DOCK1: variants seen among roughly 807,000 people sequenced by gnomAD.
DOCK1 encodes the protein dedicator of cytokinesis protein 1.
DOCK1 carries 138 observed loss-of-function variants against 262.7 expected under a neutral mutation model. The ratio of observed to expected loss-of-function variants is 0.53; its 90% confidence interval spans 0.46 to 0.61. DOCK1 has a LOEUF of 0.61. Ranked by LOEUF, DOCK1 falls within the 20% of genes least tolerant of loss-of-function variation. The pLI is 0.00. For synonymous variants in DOCK1, 866 were observed against 867.4 expected (o/e 1.00, Z 0.03); for missense variants, 1,908 against 2,370.7 (o/e 0.80, Z 4.05).
At chr10:127,259,147 G>A (rs745473141) in intron 29 of DOCK1, among the ~76,000 whole-genome samples, 49 of 152,192 alleles carry the variant, frequency 3.2e-4, no homozygotes, top group Admixed American at 9.2e-4. Context: ...AAGCCCCGGA[G>A]ACCCTGGCAT....
intron 29 of DOCK1, among the ~76,000 whole-genome samples, chr10:127,270,991 ATGTGTGTATG>A (rs1270287326): frequency 1.9e-3 from 208 of 111,776 alleles, no homozygotes; most frequent in African/African-American, 5.3e-3. Context: ...AAAGTTATAT[ATGTGTGTATG>A]TGTGTGTGTG....
intron 27 of DOCK1, among the ~76,000 whole-genome samples, chr10:127,245,141 TG>T (rs949601704): frequency 6.6e-6 from 1 of 152,168 alleles, no homozygotes; most frequent in Non-Finnish European, 1.5e-5. Flanking sequence ...CTGCAGTATT[TG>T]CCCAAAAAAA....
chr10:127,057,693 C>G lies in DOCK1; in HGVS notation c.2337-3975C>G, dbSNP rs541333709. 5.6e-4 allele frequency among the ~76,000 whole-genome samples: 86 copies of G among 152,262 alleles called. 1 individual carries two copies. Among genetic ancestry groups the G allele is most frequent in the Non-Finnish European group, 2.9e-5 (2 of 68,018 alleles). The stretch of plus-strand genomic sequence containing the variant: ...ACTAGAAAGCCAGAAAACAGATATT[C>G]TGCATCAGAATCAAATTACTAAATC... On this transcript the variant is annotated intron_variant, in intron 22 of 51. Coordinates refer to ENST00000623213, the MANE Select transcript of DOCK1 (RefSeq NM_001290223.2).
chr10:127,322,909 C>G (rs969660351), intron 29 of DOCK1, among the ~76,000 whole-genome samples: 9 of 152,222 alleles, frequency 5.9e-5, no homozygotes. Context: ...ATGGGCACAT[C>G]TTATTCACAG....
chr10:127,199,755 A>G (rs151302608), intron 27 of DOCK1, among the ~76,000 whole-genome samples: 3 of 152,330 alleles, frequency 2.0e-5, no homozygotes, highest in Admixed American at 1.3e-4. Flanking sequence ...CTAGTTGCTT[A>G]TGCAGTTTTC....
In DOCK1 at chr10:127,409,072, G is replaced by A. The variant is rs1359161940; in HGVS notation, c.4158G>A (p.Glu1386=). Reference sequence around the variant, plus strand: ...TCATTTACCGAGGGAAAGAGTATGAGCGCCGGGAAGATTTTGAGGCTCGGC... The same window carrying A: ...TCATTTACCGAGGGAAAGAGTATGAACGCCGGGAAGATTTTGAGGCTCGGC... ...KVFIYRGKEY[E]RREDFEARLL... Residue 1386 remains glutamate, a synonymous_variant, in exon 41 of 52, where the codon GAG becomes GAA. Transcript: ENST00000623213. The A allele has an allele frequency of 1.3e-6, 2 of 1,594,332 alleles. No individual in the cohort carries two copies. Among genetic ancestry groups the A allele is most frequent in the Non-Finnish European group, 1.7e-6 (2 of 1,169,374 alleles).
At chr10:126,960,050 C>G (rs887864517) in intron 1 of DOCK1, among the ~76,000 whole-genome samples, 9,052 of 152,184 alleles carry the variant, frequency 0.059, 308 homozygotes, top group African/African-American at 0.078. Context: ...TCAGGTGATC[C>G]GCCCGCTTGG....
intron 46 of DOCK1, 133 bp from the exon 47 acceptor site, chr10:127,425,741 G>GTA: frequency 1.5e-6 from 2 of 1,354,966 alleles, no homozygotes; most frequent in Non-Finnish European, 2.0e-6. Flanking sequence ...ATGCCTGCTG[G>GTA]TAAATTGAAT....
chr10:127,143,275 C>T (rs1246226954), intron 27 of DOCK1, among the ~76,000 whole-genome samples: 5 of 152,180 alleles, frequency 3.3e-5, no homozygotes, highest in African/African-American at 9.7e-5. Flanking sequence ...GGGAAGAAAA[C>T]CCTTTGTCTT....
intron 27 of DOCK1, among the ~76,000 whole-genome samples, chr10:127,211,939 A>G (rs2057998176): frequency 1.3e-5 from 2 of 152,220 alleles, no homozygotes; most frequent in Admixed American, 6.5e-5. Context: ...AATATTCCAG[A>G]GTTTCAAAGT....
At chr10:127,199,395 C>T (rs1028151879) in intron 27 of DOCK1, among the ~76,000 whole-genome samples, 2 of 152,088 alleles carry the variant, frequency 1.3e-5, no homozygotes, top group African/African-American at 4.8e-5. Context: ...CAAACATGTT[C>T]AAGAATGTTC....
At chr10:126,953,399 A>G (rs2036486169) in intron 1 of DOCK1, among the ~76,000 whole-genome samples, 1 of 143,476 alleles carries the variant, frequency 7.0e-6, no homozygotes, top group South Asian at 2.3e-4. Context: ...TAGTGGTGGT[A>G]TTGGTGATGG....
At chr10:127,285,749 T>C (rs2061127152) in intron 29 of DOCK1, among the ~76,000 whole-genome samples, 1 of 152,182 alleles carries the variant, frequency 6.6e-6, no homozygotes, top group South Asian at 2.1e-4. Flanking sequence ...GTGGGAAGAT[T>C]TGGAGGATTT....
intron 38 of DOCK1, among the ~76,000 whole-genome samples, chr10:127,401,199 C>T (rs2067203758): frequency 6.6e-6 from 1 of 152,036 alleles, no homozygotes; most frequent in Non-Finnish European, 1.5e-5. Context: ...TTTGAAAAGC[C>T]CCTCCCCTAG....
intron 1 of DOCK1, among the ~76,000 whole-genome samples, chr10:126,937,948 CCT>C (rs1251036896): frequency 1.9e-4 from 29 of 152,224 alleles, no homozygotes; most frequent in South Asian, 6.2e-4. Context: ...AAGTTTTTCC[CCT>C]GTTTCCTGCT....
intron 15 of DOCK1, 178 bp from the exon 16 acceptor site, chr10:127,026,174 C>A: frequency 1.6e-6 from 1 of 608,398 alleles, no homozygotes; most frequent in South Asian, 2.0e-5. Flanking sequence ...CAATATGATA[C>A]AAAATTTTGC....
At chr10:126,922,209 CAAAAAAAAAAA>C (rs1213635501) in intron 1 of DOCK1, among the ~76,000 whole-genome samples, 2 of 63,942 alleles carry the variant, frequency 3.1e-5, no homozygotes, top group African/African-American at 6.2e-5. Flanking sequence ...GACCCTGTAT[CAAAAAAAAAAA>C]AAAAAAAAAA....
rs182742765 is a variant in DOCK1, at chr10:127,366,593, C to A, written c.3432+4381C>A. On this transcript the variant is annotated intron_variant, in intron 33 of 51. Coordinates refer to ENST00000623213, the MANE Select transcript of DOCK1 (RefSeq NM_001290223.2). Reference sequence around the variant, plus strand: ...TCTTGACTTGCTCTATCTATGTTTTCTAAGTCCTTTCTGACTCCAGTTCCA... The same window carrying A: ...TCTTGACTTGCTCTATCTATGTTTTATAAGTCCTTTCTGACTCCAGTTCCA... Among the ~76,000 whole-genome samples the A allele has an allele frequency of 5.1e-3, 775 of 152,338 alleles. 2 individuals are homozygous for A. The highest frequency in any genetic ancestry group is 7.5e-3 in the Non-Finnish European group (509 of 68,030).
intron 38 of DOCK1, among the ~76,000 whole-genome samples, chr10:127,397,229 G>A (rs1225642460): frequency 1.5e-5 from 2 of 135,010 alleles, no homozygotes; most frequent in Non-Finnish European, 3.2e-5. Context: ...CACGGGCAGC[G>A]ACTCCTATGT....
Sources: allele counts gnomAD v4.1 joint callset (sites outside exome capture counted in the v4.1 genomes callset), GRCh38; gene constraint gnomAD v4.1.1; transcripts MANE v1.5; gene names NCBI Gene and HGNC (gene_info 2026-07-23, HGNC 2026-07-21).